The following MAPK10 variants were observed in gnomAD, a reference collection of about 807,000 sequenced individuals.
MAPK10 encodes the protein JNK3 alpha protein kinase.
MAPK10 carries 25 observed loss-of-function variants against 59.3 expected under a neutral mutation model. That is an observed-to-expected ratio of 0.42 (90% CI 0.31 to 0.59). The LOEUF (loss-of-function observed/expected upper bound fraction) is 0.59, where lower values mean the gene tolerates loss of function less well. MAPK10 is among the 20% of genes least tolerant of loss of function. MAPK10 has a pLI of 0.15. For missense variants in MAPK10, 351 were observed against 568.9 expected, an observed-to-expected ratio of 0.62 and a Z score of 3.90; for synonymous variants, 190 against 200.5, an observed-to-expected ratio of 0.95 and a Z score of 0.44.
At chr4:86,102,153 T>A in intron 6 of MAPK10, 121 bp from the exon 7 acceptor site, 1 of 825,252 alleles carries the variant, frequency 1.2e-6, no homozygotes, top group Non-Finnish European at 2.0e-6. Flanking sequence ...GCCTTTGACT[T>A]AATCAAGACT....
intron 4 of MAPK10, among the ~76,000 whole-genome samples, chr4:86,150,255 C>T (rs2066070645): frequency 6.6e-6 from 1 of 152,066 alleles, no homozygotes; most frequent in Admixed American, 6.6e-5. Flanking sequence ...TGTGAGTACA[C>T]AAAGGCATAC....
At chr4:86,548,658 T>C (rs950924361) in intron 1 of MAPK10, among the ~76,000 whole-genome samples, 3 of 152,214 alleles carry the variant, frequency 2.0e-5, no homozygotes, top group Non-Finnish European at 2.9e-5. Flanking sequence ...GTATAGCCCA[T>C]GGAACCATGA....
intron 2 of MAPK10, among the ~76,000 whole-genome samples, chr4:86,348,595 T>C (rs1194324558): frequency 6.6e-6 from 1 of 152,150 alleles, no homozygotes; most frequent in South Asian, 2.1e-4. Context: ...TGGTCAACCA[T>C]GAAGATGGTT....
intron 3 of MAPK10, among the ~76,000 whole-genome samples, chr4:86,178,549 AG>A (rs997587957): frequency 3.9e-5 from 6 of 152,138 alleles, no homozygotes; most frequent in Non-Finnish European, 5.9e-5. Context: ...CTTGCAACAA[AG>A]GCCATTTATG....
chr4:86,209,114 A>T (rs964886368), intron 2 of MAPK10, among the ~76,000 whole-genome samples: 13 of 152,138 alleles, frequency 8.5e-5, no homozygotes, highest in Non-Finnish European at 1.3e-4. Context: ...GCAAGGAGAG[A>T]TCGTGTTCAT....
At chr4:86,117,238 C>T (rs1407140393) in intron 4 of MAPK10, among the ~76,000 whole-genome samples, 2 of 152,144 alleles carry the variant, frequency 1.3e-5, no homozygotes, top group Admixed American at 1.3e-4. Context: ...GTGAGACCAC[C>T]CCATATCAAT....
chr4:86,548,951 C>T (rs989517522), intron 1 of MAPK10, among the ~76,000 whole-genome samples: 1 of 152,146 alleles, frequency 6.6e-6, no homozygotes, highest in Non-Finnish European at 1.5e-5. Context: ...TATACGTTTT[C>T]ACTGTTATGA....
intron 1 of MAPK10, among the ~76,000 whole-genome samples, chr4:86,479,195 C>G (rs775385792): frequency 1.1e-4 from 16 of 152,092 alleles, no homozygotes; most frequent in Non-Finnish European, 2.2e-4. Context: ...CTATACAGTC[C>G]TGTAAGGGAC....
At chr4:86,113,264 TG>T (rs1412873000) in intron 4 of MAPK10, among the ~76,000 whole-genome samples, 2 of 152,192 alleles carry the variant, frequency 1.3e-5, no homozygotes, top group African/African-American at 2.4e-5. Flanking sequence ...ATCATGATGC[TG>T]GCTGGTTATT....
chr4:86,341,848 T>G (rs1578553844), intron 2 of MAPK10, among the ~76,000 whole-genome samples: 1 of 148,630 alleles, frequency 6.7e-6, no homozygotes, highest in South Asian at 2.1e-4. Flanking sequence ...CGGCAGCTAC[T>G]GAGCACCTAA....
In MAPK10 at chr4:86,422,584, C is replaced by G. The variant is rs1579158955; in HGVS notation, c.-122+30446G>C. Among the ~76,000 whole-genome samples the G allele has an allele frequency of 2.6e-5, 4 of 152,236 alleles. No homozygotes were observed. The South Asian group carries it at 8.3e-4, about 32-fold the overall frequency. On this transcript the variant is annotated intron_variant, in intron 1 of 13. Transcript: ENST00000361569. ...TGGCTTCTTTATTGTTTGTGAATAA[C>G]CCACAATTTTAATCCTTACATAGAT...
intron 2 of MAPK10, among the ~76,000 whole-genome samples, chr4:86,334,446 G>A (rs1271803393): frequency 2.6e-5 from 4 of 152,082 alleles, no homozygotes. Context: ...ATCTGCTTGT[G>A]TCTGTGACTC....
At chr4:86,389,641 G>A (rs2050353584) in intron 1 of MAPK10, among the ~76,000 whole-genome samples, 1 of 151,440 alleles carries the variant, frequency 6.6e-6, no homozygotes, top group African/African-American at 2.4e-5. Flanking sequence ...ACAGAATGAA[G>A]AATTGTCCTG....
intron 2 of MAPK10, among the ~76,000 whole-genome samples, chr4:86,266,941 T>A (rs2148759872): frequency 6.6e-6 from 1 of 152,218 alleles, no homozygotes; most frequent in South Asian, 2.1e-4. Flanking sequence ...TTTGGTGGTA[T>A]GGATGTGTAT....
At chr4:86,257,059 T>C (rs1309208730) in intron 2 of MAPK10, among the ~76,000 whole-genome samples, 1 of 152,214 alleles carries the variant, frequency 6.6e-6, no homozygotes, top group African/African-American at 2.4e-5. Flanking sequence ...TAGCTGGCCA[T>C]GCTATCTCAA....
intron 4 of MAPK10, among the ~76,000 whole-genome samples, chr4:86,142,462 T>C (rs992967501): frequency 2.0e-5 from 3 of 152,174 alleles, no homozygotes; most frequent in Admixed American, 6.5e-5. Context: ...GGTTTTTTTT[T>C]CCAGTATCTC....
chr4:86,557,542 A>T (rs1299603425), intron 1 of MAPK10, among the ~76,000 whole-genome samples: 5 of 152,116 alleles, frequency 3.3e-5, no homozygotes, highest in Non-Finnish European at 7.4e-5. Context: ...ATATATCAAG[A>T]ATCTTACTGG....
rs1364976595 is a variant in MAPK10, at chr4:86,017,474, T to G, written c.1253-104A>C. The G allele has an allele frequency of 5.5e-6, 7 of 1,262,588 alleles. No individual in the cohort carries two copies. Among genetic ancestry groups the G allele is most frequent in the Non-Finnish European group, 6.7e-6 (6 of 890,414 alleles). The allele number at this position is 1,262,588 out of a possible 1,614,324, so 78.2% of individuals were successfully genotyped here. ...GGCAAATACAATAGGGGATGTCCAG[T>G]CCATCAATCATTTGGCAAGCCTTTA... On this transcript the variant is annotated intron_variant, in intron 13 of 13. Transcript: ENST00000641462. The surrounding 1 kb of genome is among the most constrained non-coding windows in gnomAD (Gnocchi z 4.4).
rs1430123047 is a variant in MAPK10 at position 86,463,899 on chromosome 4, C to T, written c.-262-109255G>A. On this transcript the variant is annotated intron_variant, in intron 1 of 4. Coordinates refer to the MAPK10 transcript ENST00000502302. ...AGATCCAGAGAAGACTCTAGATTTG[C>T]TAATTTTTCCAACTCAGCATTCACC... Among the ~76,000 whole-genome samples the T allele has an allele frequency of 2.0e-5, 3 of 152,310 alleles. 1 individual carries two copies. The highest frequency in any genetic ancestry group is 7.2e-5 in the African/African-American group (3 of 41,576).
Sources: gnomAD v4.1 joint callset for allele counts (sites outside exome capture counted in the v4.1 genomes callset) on GRCh38, gnomAD v4.1.1 for gene constraint, Gnocchi (gnomAD v3.1) non-coding constraint, MANE v1.5 for transcripts, NCBI Gene and HGNC (gene_info 2026-07-23, HGNC 2026-07-21) for gene names.